Variants in ZFAT observed in about 807,000 individuals in gnomAD.
ZFAT encodes zinc finger and AT-hook domain containing, also known as zinc finger protein ZFAT.
In ZFAT, 64 loss-of-function variants were observed where a neutral mutation model predicts 117.7. The ratio of observed to expected loss-of-function variants is 0.54; its 90% confidence interval spans 0.44 to 0.67. ZFAT has a LOEUF of 0.67. ZFAT is among the 30% of genes least tolerant of loss of function. ZFAT has a pLI of 0.00. For synonymous variants in ZFAT, 679 were observed against 615.0 expected, an observed-to-expected ratio of 1.10 and a Z score of -1.54; for missense variants, 1,433 against 1,584.5, an observed-to-expected ratio of 0.90 and a Z score of 1.62.
intron 5 of ZFAT, among the ~76,000 whole-genome samples, chr8:134,608,488 T>C (rs1480319378): frequency 6.6e-6 from 1 of 152,216 alleles, no homozygotes; most frequent in Admixed American, 6.5e-5. Flanking sequence ...TCTGGCTTCA[T>C]TAAGCCAGTT....
chr8:134,627,090 G>C (rs1333498648), intron 3 of ZFAT, among the ~76,000 whole-genome samples: 1 of 152,182 alleles, frequency 6.6e-6, no homozygotes, highest in African/African-American at 2.4e-5. Flanking sequence ...AGCAGTCTCA[G>C]GACAGGGTGA....
intron 11 of ZFAT, among the ~76,000 whole-genome samples, chr8:134,551,350 G>C (rs1823154039): frequency 6.6e-6 from 1 of 152,164 alleles, no homozygotes; most frequent in South Asian, 2.1e-4. Context: ...GAGTTTTTCA[G>C]GGCAAAATAA....
chr8:134,505,680 A>T (rs949890737), intron 15 of ZFAT, among the ~76,000 whole-genome samples: 4 of 152,158 alleles, frequency 2.6e-5, no homozygotes, highest in African/African-American at 9.7e-5. Flanking sequence ...GGATGGAGGA[A>T]GGGAGCCTCG....
At chr8:134,667,663 T>C (rs931363556) in intron 1 of ZFAT, among the ~76,000 whole-genome samples, 1 of 150,756 alleles carries the variant, frequency 6.6e-6, no homozygotes, top group Non-Finnish European at 1.5e-5. Flanking sequence ...ACAGCTCCAG[T>C]CTACAGCTCC....
intron 1 of ZFAT, among the ~76,000 whole-genome samples, chr8:134,680,176 C>T (rs1465502857): frequency 1.3e-5 from 2 of 149,944 alleles, no homozygotes; most frequent in Admixed American, 6.7e-5. Flanking sequence ...GCAGGAGAAT[C>T]GCTTGAACCC....
chr8:134,608,586 T>C (rs986912030), intron 5 of ZFAT, 143 bp downstream of exon 5: 1 of 1,004,652 alleles, frequency 1.0e-6, no homozygotes, highest in Non-Finnish European at 1.4e-6. Flanking sequence ...GTAATTCTAC[T>C]GCTGAATCAA....
At chr8:134,634,901 C>T (rs967837817) in intron 3 of ZFAT, among the ~76,000 whole-genome samples, 3 of 152,062 alleles carry the variant, frequency 2.0e-5, no homozygotes, top group Non-Finnish European at 1.5e-5. Context: ...CCACAGATGG[C>T]GGGGTGGGGT....
At chr8:134,482,323 G>T (rs1257951916) in intron 15 of ZFAT, among the ~76,000 whole-genome samples, 1 of 152,222 alleles carries the variant, frequency 6.6e-6, no homozygotes, top group Non-Finnish European at 1.5e-5. Context: ...AGGAGAGAAG[G>T]CATTTGGGGC....
chr8:134,768,953 G>T, the ZFAT span, among the ~76,000 whole-genome samples: 2 of 152,150 alleles, frequency 1.3e-5, no homozygotes, highest in Non-Finnish European at 2.9e-5. Context: ...TGGGCAGATT[G>T]CTTGAGGCCA....
In ZFAT at chr8:134,494,503, C is replaced by T. The variant is rs112507744; in HGVS notation, c.3492+15116G>A. ...TCCTCAGCTGACGCACACTCTTCTCCCCCTAATTAAGCAATCTGCTTCCAC... is the reference window on the plus strand; with the variant it reads ...TCCTCAGCTGACGCACACTCTTCTCTCCCTAATTAAGCAATCTGCTTCCAC... On this transcript the variant is annotated intron_variant, in intron 15 of 15. Coordinates refer to ENST00000377838, the MANE Select transcript of ZFAT (RefSeq NM_020863.4). Among the ~76,000 whole-genome samples, 893 of 152,270 alleles carry T rather than the reference C, an allele frequency of 5.9e-3. 7 individuals carry two copies. The highest frequency in any genetic ancestry group is 0.021 in the African/African-American group (863 of 41,544).
chr8:134,706,714 G>A (rs67761769), intron 1 of ZFAT, among the ~76,000 whole-genome samples: 16,022 of 151,714 alleles, frequency 0.11, 1,052 homozygotes, highest in Non-Finnish European at 0.16. Context: ...AACAAAAAAA[G>A]ACTAGTGGTT....
At chr8:134,718,108 C>G in the ZFAT span, among the ~76,000 whole-genome samples, 1 of 152,126 alleles carries the variant, frequency 6.6e-6, no homozygotes, top group African/African-American at 2.4e-5. Flanking sequence ...AAGTTACATT[C>G]GACAGTTACA....
At chr8:134,564,843 C>T (rs1362401229) in intron 11 of ZFAT, 1 of 644,780 alleles carries the variant, frequency 1.6e-6, no homozygotes, top group Non-Finnish European at 2.2e-6. Flanking sequence ...AAATTAGAGG[C>T]ATTAAAAGAA....
At chr8:134,745,436 G>A in the ZFAT span, among the ~76,000 whole-genome samples, 1 of 152,202 alleles carries the variant, frequency 6.6e-6, no homozygotes, top group East Asian at 1.9e-4. Context: ...GTCTACAGCT[G>A]AGTGAATGTT....
At chr8:134,600,715 G>T in intron 6 of ZFAT, 47 bp from the exon 7 acceptor site, 1 of 1,426,152 alleles carries the variant, frequency 7.0e-7, no homozygotes, top group South Asian at 1.5e-5. Context: ...CATTTTGACT[G>T]ATTTTGAATT....
intron 1 of ZFAT, among the ~76,000 whole-genome samples, chr8:134,676,633 C>T (rs149464726): frequency 6.6e-6 from 1 of 152,198 alleles, no homozygotes; most frequent in African/African-American, 2.4e-5. Context: ...CCCAAATCAA[C>T]AGAATAAACA....
rs1814080399 is a variant in ZFAT, at chr8:134,712,925, G to T, written c.-62C>A. 13 of 1,439,184 alleles carry T rather than the reference G, an allele frequency of 9.0e-6. No homozygotes were observed. Among genetic ancestry groups the T allele is most frequent in the Admixed American group, 6.2e-5 (2 of 32,496 alleles). The allele number at this position is 1,439,184 out of a possible 1,614,324, so 89.2% of individuals were successfully genotyped here. A position where few individuals can be genotyped will look rare whatever the true frequency, so the allele number is the denominator to read the frequency against. On this transcript the variant is annotated 5_prime_UTR_variant, in exon 1 of 16. Coordinates refer to ENST00000377838, the MANE Select transcript of ZFAT (RefSeq NM_020863.4). The stretch of plus-strand genomic sequence containing the variant: ...GCTCTTCCGGGCCCCCTCCCGTGCC[G>T]ACCGAGGGGGCGGGGCGCCCTGCTG...
the ZFAT span, among the ~76,000 whole-genome samples, chr8:134,819,549 T>C: frequency 2.6e-5 from 3 of 114,782 alleles, no homozygotes; most frequent in Non-Finnish European, 4.9e-5. Context: ...AATAAGGAAC[T>C]GGTTTCTCTG....
chr8:134,613,207 T>A (rs1828467315), intron 3 of ZFAT, among the ~76,000 whole-genome samples: 3 of 152,100 alleles, frequency 2.0e-5, no homozygotes, highest in Admixed American at 2.0e-4. Flanking sequence ...TTGTTCACAT[T>A]TAAAAAAAAG....
Sources: allele counts gnomAD v4.1 joint callset (sites outside exome capture counted in the v4.1 genomes callset), GRCh38; gene constraint gnomAD v4.1.1; transcripts MANE v1.5; gene names NCBI Gene and HGNC (gene_info 2026-07-23, HGNC 2026-07-21).